DDB1: variants seen among roughly 807,000 people sequenced by gnomAD.
DDB1 encodes DNA damage-binding protein 1.
Under a neutral mutation model 133.1 loss-of-function variants are expected in DDB1, and 18 were observed. That is an observed-to-expected ratio of 0.14 (90% CI 0.09 to 0.20). The LOEUF (loss-of-function observed/expected upper bound fraction) is 0.20, where lower values mean the gene tolerates loss of function less well. DDB1 is among the 10% of genes least tolerant of loss of function. The probability of loss-of-function intolerance (pLI) is 1.00; values close to 1 mark genes in which losing one functional copy is unlikely to be tolerated. For synonymous variants in DDB1, 580 were observed against 550.5 expected (o/e 1.05, Z -0.75); for missense variants, 828 against 1,459.2 (o/e 0.57, Z 7.05).
intron 5 of DDB1, among the ~76,000 whole-genome samples, chr11:61,326,558 C>G (rs1261598716): frequency 2.0e-5 from 3 of 152,068 alleles, no homozygotes; most frequent in African/African-American, 7.2e-5. Flanking sequence ...AAGTAAAAGA[C>G]AAGTTATACT....
At position 61,314,081 on chromosome 11, in the gene DDB1, A is replaced by G. The variant is rs1397831292; in HGVS notation, c.1719T>C (p.Ser573=). ...DISARILKLP[S]FELLHKEMLG... ...GCATCTCCTTGTGCAGTAGTTCAAAAGAGGGCAACTTCAAGATACGAGCCG... is the reference window on the plus strand; with the variant it reads ...GCATCTCCTTGTGCAGTAGTTCAAAGGAGGGCAACTTCAAGATACGAGCCG... Residue 573 remains serine (S), a synonymous_variant, in exon 14 of 27, where the codon TCT becomes TCC. Coordinates refer to ENST00000301764, the MANE Select transcript of DDB1 (RefSeq NM_001923.5). 1 of 1,614,004 alleles carries G rather than the reference A, an allele frequency of 6.2e-7. No homozygotes were observed. The highest frequency in any genetic ancestry group is 8.5e-7 in the Non-Finnish European group (1 of 1,180,020).
At chr11:61,302,919 G>A in intron 23 of DDB1, 127 bp downstream of exon 23, 1 of 1,270,902 alleles carries the variant, frequency 7.9e-7, no homozygotes, top group Non-Finnish European at 1.1e-6. Context: ...TTTATTCTCT[G>A]ACGAGGAAAG....
intron 21 of DDB1, among the ~76,000 whole-genome samples, chr11:61,304,835 GC>G (rs1239625727): frequency 6.6e-6 from 1 of 151,012 alleles, no homozygotes; most frequent in Admixed American, 6.6e-5. Context: ...CCAAGATGGG[GC>G]CACTGCACTC....
intron 26 of DDB1, among the ~76,000 whole-genome samples, chr11:61,300,589 TAG>T (rs1855776823): frequency 6.6e-6 from 1 of 152,210 alleles, no homozygotes; most frequent in South Asian, 2.1e-4. Context: ...TTAACATGGG[TAG>T]AGTTACTAGC....
At position 61,333,098 on chromosome 11, in the gene DDB1, T is replaced by C. The variant is rs1399401892; in HGVS notation, c.-130A>G. 2.3e-6 allele frequency: 2 copies of C among 852,054 alleles called. No individual in the cohort carries two copies. The highest frequency in any genetic ancestry group is 3.3e-5 in the East Asian group (1 of 29,976). The allele number at this position is 852,054 out of a possible 1,614,324, so 52.8% of individuals were successfully genotyped here. On this transcript the variant is annotated 5_prime_UTR_variant, in exon 1 of 27. Coordinates refer to ENST00000301764, the MANE Select transcript of DDB1 (RefSeq NM_001923.5). ...CGCTGCCTCCGCCCCAGAGACACGT[T>C]GCAGGCCAGAGCGGCCGGGGCGCGG...
chr11:61,328,423 G>A (rs941701725), intron 4 of DDB1, among the ~76,000 whole-genome samples: 1 of 152,166 alleles, frequency 6.6e-6, no homozygotes, highest in Non-Finnish European at 1.5e-5. Flanking sequence ...ATCTTATGCT[G>A]CATGGCCCTT....
rs998554789 is a variant in DDB1, at chr11:61,301,128, A to G, written c.3216-196T>C. On this transcript the variant is annotated intron_variant, in intron 25 of 26. Transcript: ENST00000301764. ...ATATGACCTAATCTAATTGGTTCTCAATTGGGGTGATCTTCAAAATAGTTT... is the reference window on the plus strand; with the variant it reads ...ATATGACCTAATCTAATTGGTTCTCGATTGGGGTGATCTTCAAAATAGTTT... 3 of 696,904 alleles carry G rather than the reference A, an allele frequency of 4.3e-6. No homozygotes were observed. The African/African-American group carries it at 5.4e-5, about 13-fold the overall frequency. The allele number at this position is 696,904 out of a possible 1,614,324, so 43.2% of individuals were successfully genotyped here. A position where few individuals can be genotyped will look rare whatever the true frequency, so the allele number is the denominator to read the frequency against.
In DDB1 at chr11:61,302,498, T is replaced by C. The variant is rs1160152830; in HGVS notation, c.3112+84A>G. 2.3e-5 allele frequency: 36 copies of C among 1,593,742 alleles called. No individual in the cohort carries two copies. The East Asian group carries it at 8.0e-4, about 36-fold the overall frequency. ...TCCTCTAGTAAACACCTAGGTCTTGTACAGTTGCTCTCCCCAGTCCCTCAG... is the reference window on the plus strand; with the variant it reads ...TCCTCTAGTAAACACCTAGGTCTTGCACAGTTGCTCTCCCCAGTCCCTCAG... On this transcript the variant is annotated intron_variant, in intron 24 of 26. Transcript: ENST00000301764.
intron 18 of DDB1, chr11:61,311,196 G>A (rs1449943674): frequency 6.5e-6 from 1 of 152,794 alleles, no homozygotes; most frequent in Non-Finnish European, 1.5e-5. Flanking sequence ...AGGTTGCAGT[G>A]AGCCGAGATC....
chr11:61,331,803 T>C, intron 1 of DDB1, 112 bp from the exon 2 acceptor site: 9 of 1,444,622 alleles, frequency 6.2e-6, no homozygotes, highest in Non-Finnish European at 8.5e-6. Context: ...TTACTTCACA[T>C]ACTTCTCCAA....
intron 21 of DDB1, among the ~76,000 whole-genome samples, chr11:61,306,071 T>C (rs1855877497): frequency 6.6e-6 from 1 of 152,190 alleles, no homozygotes; most frequent in Non-Finnish European, 1.5e-5. Context: ...ATGACATACA[T>C]CGCTCATATA....
intron 6 of DDB1, 127 bp from the exon 7 acceptor site, chr11:61,324,264 T>A: frequency 1.0e-6 from 1 of 962,084 alleles, no homozygotes; most frequent in Non-Finnish European, 1.6e-6. Flanking sequence ...CAGATAACAT[T>A]ACATGAAAAT....
intron 15 of DDB1, 73 bp downstream of exon 15, chr11:61,313,789 T>C: frequency 6.3e-7 from 1 of 1,595,100 alleles, no homozygotes; most frequent in Non-Finnish European, 8.6e-7. Flanking sequence ...AGCAGAACCC[T>C]GGGACTAAGA....
intron 2 of DDB1, 23 bp downstream of exon 2, chr11:61,331,520 C>A (rs755998733): frequency 6.2e-7 from 1 of 1,609,208 alleles, no homozygotes; most frequent in South Asian, 1.1e-5. Context: ...CCCTCCACTG[C>A]TTGTCCCAAC....
Position 61,300,107 on chromosome 11 carries a change from G to A in DDB1, c.*29C>T, listed in dbSNP as rs753797966. ...GGCAGCAGGGCAAAGCCTTTGGGGA[G>A]GGTCAGCAAAGGGGCCCCCTGCCCT... On this transcript the variant is annotated 3_prime_UTR_variant, in exon 27 of 27. Coordinates refer to ENST00000301764, the MANE Select transcript of DDB1 (RefSeq NM_001923.5). 6 of 1,610,058 alleles carry A rather than the reference G, an allele frequency of 3.7e-6. No individual in the cohort carries two copies. The Admixed American group carries it at 5.0e-5, about 13-fold the overall frequency.
chr11:61,301,268 T>C (rs183661965), intron 25 of DDB1: 5 of 227,634 alleles, frequency 2.2e-5, no homozygotes, highest in Admixed American at 1.6e-4. Context: ...GCCTCAAAGC[T>C]CCATAGAGGG....
At chr11:61,312,491 CCTCTCT>C (rs1327011375) in intron 16 of DDB1, among the ~76,000 whole-genome samples, 7 of 148,106 alleles carry the variant, frequency 4.7e-5, no homozygotes, top group African/African-American at 1.3e-4. Context: ...TCTTTTCTTT[CCTCTCT>C]CTCTCTCTCT....
At chr11:61,331,723 CAG>C (rs774173788) in intron 1 of DDB1, 32 bp from the exon 2 acceptor site, 1 of 1,612,176 alleles carries the variant, frequency 6.2e-7, no homozygotes, top group Admixed American at 1.7e-5. Flanking sequence ...CTTTTGAACT[CAG>C]GGGAAGGGCC....
intron 10 of DDB1, 97 bp downstream of exon 10, chr11:61,321,498 G>C: frequency 1.0e-6 from 1 of 954,766 alleles, no homozygotes; most frequent in South Asian, 1.4e-5. Flanking sequence ...CACTTGATCT[G>C]CTTTCCTCTG....
Sources: gnomAD v4.1 joint callset for allele counts (sites outside exome capture counted in the v4.1 genomes callset) on GRCh38, gnomAD v4.1.1 for gene constraint, MANE v1.5 for transcripts, NCBI Gene and HGNC (gene_info 2026-07-23, HGNC 2026-07-21) for gene names.